PRKN: variants seen among roughly 807,000 people sequenced by gnomAD.
PRKN encodes E3 ubiquitin-protein ligase parkin.
Under a neutral mutation model 59.5 loss-of-function variants are expected in PRKN, and 56 were observed. The ratio of observed to expected loss-of-function variants is 0.94; its 90% CI spans 0.76 to 1.18. PRKN has a LOEUF of 1.18. Among genes scored for constraint, PRKN ranks in the 50% most tolerant of loss-of-function variants. The pLI is 0.00. For synonymous variants in PRKN, 250 were observed against 222.1 expected, an observed-to-expected ratio of 1.13 and a Z score of -1.12; for missense variants, 657 against 596.4, an observed-to-expected ratio of 1.10 and a Z score of -1.06.
At chr6:161,910,013 G>A (rs1400276566) in intron 6 of PRKN, among the ~76,000 whole-genome samples, 1 of 152,166 alleles carries the variant, frequency 6.6e-6, no homozygotes, top group Non-Finnish European at 1.5e-5. Flanking sequence ...AGGGGAATTT[G>A]GAAGATGCTG....
chr6:161,552,751 T>C lies in PRKN; in HGVS notation c.934-3748A>G, dbSNP rs1441857650. On this transcript the variant is annotated intron_variant, in intron 8 of 11. Coordinates refer to ENST00000366898, the MANE Select transcript of PRKN (RefSeq NM_004562.3). The surrounding 1 kb of genome is among the most constrained non-coding windows in gnomAD (Gnocchi z 4.9). ...TGTATCTATTCTCATCACAACACCT[T>C]CACCCCTTCCTAAAAGACACCATGG... Among the ~76,000 whole-genome samples, 1 of 151,044 alleles carries C rather than the reference T, an allele frequency of 6.6e-6. No homozygotes were observed. The highest frequency in any genetic ancestry group is 1.5e-5 in the Non-Finnish European group (1 of 67,794).
At position 161,355,033 on chromosome 6, in the gene PRKN, G is replaced by A. The variant is rs1484962991; in HGVS notation, c.1286-4822C>T. ...TCCTAGAATATCTGCCTGCCTCACA[G>A]GATCAAGTCCAAGCCCCAAACCTGC... On this transcript the variant is annotated intron_variant, in intron 11 of 11. Coordinates refer to ENST00000366898, the MANE Select transcript of PRKN (RefSeq NM_004562.3). The surrounding 1 kb of genome is among the most constrained non-coding windows in gnomAD (Gnocchi z 6.8). Among the ~76,000 whole-genome samples the A allele has an allele frequency of 6.6e-6, 1 of 152,166 alleles. No homozygotes were observed. Among genetic ancestry groups the A allele is most frequent in the South Asian group, 2.1e-4 (1 of 4,826 alleles).
At chr6:161,848,878 C>T (rs947616485) in intron 6 of PRKN, among the ~76,000 whole-genome samples, 4 of 152,158 alleles carry the variant, frequency 2.6e-5, no homozygotes, top group African/African-American at 4.8e-5. Context: ...GCATTTGGTA[C>T]ACTTTCTGGA....
At chr6:161,700,011 C>T (rs1311878094) in intron 7 of PRKN, among the ~76,000 whole-genome samples, 1 of 151,988 alleles carries the variant, frequency 6.6e-6, no homozygotes, top group African/African-American at 2.4e-5. Flanking sequence ...TTCTAATCTT[C>T]CTTGACCTGC....
intron 5 of PRKN, among the ~76,000 whole-genome samples, chr6:162,051,834 C>G (rs1282884269): frequency 6.6e-6 from 1 of 152,098 alleles, no homozygotes; most frequent in Non-Finnish European, 1.5e-5. Flanking sequence ...CTGGCCTAAT[C>G]TGGACAAGGG....
chr6:162,153,543 A>ACCC (rs1782367052), intron 4 of PRKN, among the ~76,000 whole-genome samples: 2 of 152,282 alleles, frequency 1.3e-5, no homozygotes, highest in Admixed American at 1.3e-4. Flanking sequence ...GGGGCATTAT[A>ACCC]ACAGCCTTTT....
chr6:162,382,169 G>A (rs1045723264), intron 2 of PRKN, among the ~76,000 whole-genome samples: 25 of 152,238 alleles, frequency 1.6e-4, no homozygotes, highest in African/African-American at 4.8e-4. Flanking sequence ...AGTACAAGAC[G>A]TATTTAGTCA....
intron 4 of PRKN, among the ~76,000 whole-genome samples, chr6:162,063,984 C>T (rs938780209): frequency 2.0e-5 from 3 of 152,166 alleles, no homozygotes; most frequent in Admixed American, 1.3e-4. Context: ...ACATCACAGC[C>T]TTACTCATGT....
At chr6:162,082,727 C>A (rs1562502100) in intron 4 of PRKN, among the ~76,000 whole-genome samples, 1 of 151,872 alleles carries the variant, frequency 6.6e-6, no homozygotes, top group Non-Finnish European at 1.5e-5. Context: ...CACTTAGAGC[C>A]CATCATAGGA....
At chr6:161,580,651 G>A (rs1229487052) in intron 7 of PRKN, among the ~76,000 whole-genome samples, 1 of 149,806 alleles carries the variant, frequency 6.7e-6, no homozygotes, top group South Asian at 2.1e-4. Context: ...TAATTTTTTT[G>A]TATTTTTAGT....
intron 1 of PRKN, among the ~76,000 whole-genome samples, chr6:162,487,670 C>A (rs1369661630): frequency 6.6e-6 from 1 of 152,026 alleles, no homozygotes; most frequent in African/African-American, 2.4e-5. Flanking sequence ...ATTTCATGGA[C>A]CAGAATTTTT....
chr6:161,956,804 T>A (rs1780186467), intron 6 of PRKN, among the ~76,000 whole-genome samples: 1 of 152,178 alleles, frequency 6.6e-6, no homozygotes, highest in Non-Finnish European at 1.5e-5. Flanking sequence ...TCCTATTTCG[T>A]GCATTTTAGC....
intron 6 of PRKN, among the ~76,000 whole-genome samples, chr6:161,795,480 C>A (rs958201432): frequency 6.6e-6 from 1 of 152,008 alleles, no homozygotes; most frequent in African/African-American, 2.4e-5. Flanking sequence ...GTGATCCGCC[C>A]GCCTCAGCCT....
chr6:161,620,826 C>A (rs541903963), intron 7 of PRKN, among the ~76,000 whole-genome samples: 20 of 152,302 alleles, frequency 1.3e-4, no homozygotes, highest in Admixed American at 1.0e-3. Flanking sequence ...GGGCCAGAGA[C>A]AACGTGTCTT....
At chr6:161,937,695 G>C (rs1249206824) in intron 6 of PRKN, among the ~76,000 whole-genome samples, 1 of 152,212 alleles carries the variant, frequency 6.6e-6, no homozygotes, top group African/African-American at 2.4e-5. Context: ...ATTAATCTAA[G>C]ATCCAGCAGG....
chr6:162,289,947 A>T (rs1181508430), intron 2 of PRKN, among the ~76,000 whole-genome samples: 2 of 152,172 alleles, frequency 1.3e-5, no homozygotes, highest in Non-Finnish European at 2.9e-5. Context: ...CCTACCTGGA[A>T]GTAAGAGTAT....
At position 162,554,823 on chromosome 6, in the gene PRKN, A is replaced by C. The variant is rs540407322; in HGVS notation, c.8-111350T>G. Among the ~76,000 whole-genome samples the C allele has an allele frequency of 2.0e-5, 3 of 152,306 alleles. No individual in the cohort carries two copies. The South Asian group carries it at 6.2e-4, about 32-fold the overall frequency. ...GCCAGGTCACCACAGAAATGTTCTA[A>C]AATGAGACTGAGAATTTAACAATGG... On this transcript the variant is annotated intron_variant, in intron 1 of 11. Coordinates refer to ENST00000366898, the MANE Select transcript of PRKN (RefSeq NM_004562.3).
rs1320832178 is a variant in PRKN, at chr6:161,371,973, G to A, written c.1168-11768C>T. Among the ~76,000 whole-genome samples the A allele has an allele frequency of 6.6e-6, 1 of 152,176 alleles. No homozygotes were observed. The highest frequency in any genetic ancestry group is 1.5e-5 in the Non-Finnish European group (1 of 68,028). ...ATTTTTGACAATGATTCTAACAGTG[G>A]TGATTTCTGCTAGGAGTGGAATGTG... On this transcript the variant is annotated intron_variant, in intron 10 of 11. Transcript: ENST00000366898. The surrounding 1 kb of genome is among the most constrained non-coding windows in gnomAD (Gnocchi z 5.5).
chr6:161,411,439 G>C (rs1331038112), intron 9 of PRKN, among the ~76,000 whole-genome samples: 2 of 152,332 alleles, frequency 1.3e-5, no homozygotes, highest in East Asian at 3.9e-4. Context: ...GTGGAATTGT[G>C]AGTCAGTTAA....
Sources: gnomAD v4.1 joint callset for allele counts (sites outside exome capture counted in the v4.1 genomes callset) on GRCh38, gnomAD v4.1.1 for gene constraint, Gnocchi (gnomAD v3.1) non-coding constraint, MANE v1.5 for transcripts, NCBI Gene and HGNC (gene_info 2026-07-23, HGNC 2026-07-21) for gene names.